MBL2: variants seen among roughly 807,000 people sequenced by gnomAD.
The protein encoded by MBL2 is mannose binding lectin 2, also known as mannose-binding protein C.
A neutral mutation model predicts 12.7 loss-of-function variants in MBL2; 6 were observed. The observed-to-expected ratio is 0.47, with a 90% CI of 0.26 to 0.94. MBL2 has a LOEUF of 0.94. Among genes scored for constraint, MBL2 ranks in the 40% least tolerant of loss-of-function variants. The pLI is 0.15. For missense variants in MBL2, 307 were observed against 295.2 expected, an observed-to-expected ratio of 1.04 and a Z score of -0.29; for synonymous variants, 114 against 112.0, an observed-to-expected ratio of 1.02 and a Z score of -0.11.
chr10:52,770,346 T>A (rs1026309926), intron 3 of MBL2, among the ~76,000 whole-genome samples: 1 of 152,250 alleles, frequency 6.6e-6, no homozygotes. Flanking sequence ...ATAGGTATAA[T>A]AAGCCCACAC....
In MBL2 at chr10:52,765,791, G is replaced by A. The variant is rs1333987075; in HGVS notation, c.*2346C>T. ...TTGGGGTTGCTAACCAGTGCAATAAGGTAAGAAAAAAGGTAAAGCAATTGG... is the reference window on the plus strand; with the variant it reads ...TTGGGGTTGCTAACCAGTGCAATAAAGTAAGAAAAAAGGTAAAGCAATTGG... On this transcript the variant is annotated 3_prime_UTR_variant, in exon 5 of 5. Coordinates refer to ENST00000674931, the MANE Select transcript of MBL2 (RefSeq NM_001378373.1). 6.6e-6 allele frequency: 1 copy of A among 151,886 alleles called. No individual in the cohort carries two copies. Among genetic ancestry groups the A allele is most frequent in the Non-Finnish European group, 1.5e-5 (1 of 67,962 alleles). The allele number at this position is 151,886 out of a possible 1,614,324, so 9.4% of individuals were successfully genotyped here. A position where few individuals can be genotyped will look rare whatever the true frequency, so the allele number is the denominator to read the frequency against.
rs1273169400 is a variant in MBL2 at position 52,771,492 on chromosome 10, GC to G, written c.143del (p.Gly48AlafsTer93). The G allele has an allele frequency of 6.2e-7, 1 of 1,613,762 alleles. No individual in the cohort carries two copies. Among genetic ancestry groups the G allele is most frequent in the East Asian group, 2.2e-5 (1 of 44,874 alleles). ...CCTTGGTGCCATCACGCCCATCTTT[GC>G]CTGGGAAGCCGTTGATGCCTGGAGA... ...CSSPGINGFP[G>X]KDGRDGTKGE... On this transcript the variant is annotated frameshift_variant, in exon 2 of 5. Coordinates refer to ENST00000674931, the MANE Select transcript of MBL2 (RefSeq NM_001378373.1). LOFTEE classifies it high-confidence loss of function.
Position 52,766,221 on chromosome 10 carries a change from GA to G in MBL2, c.*1915del, listed in dbSNP as rs1278969832. 2.0e-5 allele frequency: 3 copies of G among 152,128 alleles called. No individual in the cohort carries two copies. Among genetic ancestry groups the G allele is most frequent in the Non-Finnish European group, 4.4e-5 (3 of 68,028 alleles). 9.4% of individuals were successfully genotyped at this position (152,128 alleles called of 1,614,324 possible). A position where few individuals can be genotyped will look rare whatever the true frequency, so the allele number is the denominator to read the frequency against. ...CTCATCAGGATTTTGTAGAAATTGAGAAGCTGTTTCTAATATTTATATGGAA... is the reference window on the plus strand; with the variant it reads ...CTCATCAGGATTTTGTAGAAATTGAGAGCTGTTTCTAATATTTATATGGAA... On this transcript the variant is annotated 3_prime_UTR_variant, in exon 5 of 5. Coordinates refer to ENST00000674931, the MANE Select transcript of MBL2 (RefSeq NM_001378373.1).
chr10:52,767,969 C>A lies in MBL2; in HGVS notation c.*168G>T. ...CTACTACTGCTGCTGCTAACTACTA[C>A]TACTACTATTATTGCTTTGTTGGTG... On this transcript the variant is annotated 3_prime_UTR_variant, in exon 5 of 5. Coordinates refer to ENST00000674931, the MANE Select transcript of MBL2 (RefSeq NM_001378373.1). The A allele has an allele frequency of 1.5e-6, 1 of 676,192 alleles. No homozygotes were observed. The highest frequency in any genetic ancestry group is 2.4e-6 in the Non-Finnish European group (1 of 420,220). The allele number at this position is 676,192 out of a possible 1,614,324, so 41.9% of individuals were successfully genotyped here.
rs1429840709 is a variant in MBL2 at position 52,768,267 on chromosome 10, G to C, written c.617C>G (p.Thr206Arg). 6.2e-7 allele frequency: 1 copy of C among 1,613,868 alleles called. No homozygotes were observed. The highest frequency in any genetic ancestry group is 2.2e-5 in the East Asian group (1 of 44,880). ...VDLTGNRLTY[T>R]NWNEGEPNNA... ...GTTGGGTTCACCCTCGTTCCAGTTT[G>C]TGTAGGTCAGTCTATTTCCTGTCAG... The change falls in exon 5 of 5, where the codon ACA becomes AGA. Residue 206 changes from threonine (T) to arginine (R), a missense_variant. Thr to Arg is a moderately conservative substitution (Grantham distance 71). Coordinates refer to ENST00000674931, the MANE Select transcript of MBL2 (RefSeq NM_001378373.1).
In MBL2 at chr10:52,767,115, C is replaced by T. The variant is rs1006370985; in HGVS notation, c.*1022G>A. On this transcript the variant is annotated 3_prime_UTR_variant, in exon 5 of 5. Coordinates refer to ENST00000674931, the MANE Select transcript of MBL2 (RefSeq NM_001378373.1). ...AATATCTACTAAAGCTGAATACATGCTTTCCTCATCCTCTACCAGTTCCAC... is the reference window on the plus strand; with the variant it reads ...AATATCTACTAAAGCTGAATACATGTTTTCCTCATCCTCTACCAGTTCCAC... The T allele has an allele frequency of 6.6e-6, 1 of 152,012 alleles. No homozygotes were observed. Among genetic ancestry groups the T allele is most frequent in the Admixed American group, 6.5e-5 (1 of 15,268 alleles). 9.4% of individuals were successfully genotyped at this position (152,012 alleles called of 1,614,324 possible).
Position 52,770,725 on chromosome 10 carries a change from C to T in MBL2, c.249G>A (p.Gly83=), listed in dbSNP as rs757152192. The T allele has an allele frequency of 6.6e-7, 1 of 1,525,068 alleles. No homozygotes were observed. Among genetic ancestry groups the T allele is most frequent in the South Asian group, 1.3e-5 (1 of 78,862 alleles). The allele number at this position is 1,525,068 out of a possible 1,614,324, so 94.5% of individuals were successfully genotyped here. ...PGKLGPPGNP[G]PSGSPGPKGQ... ...CCTTTGGTCCTGGTGACCCAGAAGG[C>T]CCTGGATTTCCTGGAGGCCCCAACT... Residue 83 remains glycine (G), a synonymous_variant, in exon 3 of 5, where the codon GGG becomes GGA. Transcript: ENST00000674931.
chr10:52,771,057 C>T (rs1350070751), intron 2 of MBL2, among the ~76,000 whole-genome samples: 1 of 152,180 alleles, frequency 6.6e-6, no homozygotes, highest in African/African-American at 2.4e-5. Flanking sequence ...GTCCAGCCCA[C>T]TGCTGCTGGA....
At chr10:52,771,143 C>A (rs1227487496) in intron 2 of MBL2, among the ~76,000 whole-genome samples, 3 of 152,136 alleles carry the variant, frequency 2.0e-5, no homozygotes, top group African/African-American at 7.2e-5. Context: ...CCTCTTGAAC[C>A]TGGTGCCATC....
intron 1 of MBL2, 76 bp from the exon 2 acceptor site, chr10:52,771,720 C>CA: frequency 1.3e-6 from 2 of 1,504,072 alleles, no homozygotes; most frequent in African/African-American, 2.8e-5. Context: ...CTCTGTCCTA[C>CA]AATCTGGGTG....
chr10:52,772,139 C>T (rs7100749), intron 1 of MBL2, among the ~76,000 whole-genome samples: 3,274 of 152,246 alleles, frequency 0.022, 86 homozygotes, highest in East Asian at 0.06. Context: ...CATTGGCAGG[C>T]CCTGAGCTGA....
In MBL2 at chr10:52,771,588, T is replaced by C. The variant is rs754837131; in HGVS notation, c.48A>G (p.Ala16=). The part of the protein sequence containing the change: ...SLPLLLLSMV[A]ASYSETVTCE... Reference sequence around the variant, plus strand: ...AGGTCACAGTTTCTGAGTAAGACGCTGCCACCATACTCAGGAGAAGGAGAG... The same window carrying C: ...AGGTCACAGTTTCTGAGTAAGACGCCGCCACCATACTCAGGAGAAGGAGAG... Residue 16 remains alanine, a synonymous_variant, in exon 2 of 5, where the codon GCA becomes GCG. Transcript: ENST00000674931. 7.4e-6 allele frequency: 12 copies of C among 1,613,906 alleles called. 1 individual carries two copies. The Admixed American group carries it at 2.0e-4, about 27-fold the overall frequency.
intron 3 of MBL2, 53 bp from the exon 4 acceptor site, chr10:52,769,368 T>A (rs1840356447): frequency 1.8e-6 from 2 of 1,120,656 alleles, no homozygotes; most frequent in Admixed American, 1.9e-5. Flanking sequence ...GCCTCAGAAC[T>A]GTGCATATAC....
intron 4 of MBL2, 62 bp downstream of exon 4, chr10:52,769,185 A>G: frequency 8.8e-7 from 1 of 1,130,870 alleles, no homozygotes; most frequent in South Asian, 1.4e-5. Flanking sequence ...TTCAACAAAT[A>G]TTTGTTGCAT....
Position 52,768,146 on chromosome 10 carries a change from G to A in MBL2, c.738C>T (p.Phe246=), listed in dbSNP as rs376149426. The change falls in exon 5 of 5, where the codon TTC becomes TTT. Residue 246 remains phenylalanine, a synonymous_variant. Transcript: ENST00000674931. ...TGAGTGATATGACCCTTCAGATAGGGAACTCACAGACGGCCAGATGGGAGG... is the reference window on the plus strand; with the variant it reads ...TGAGTGATATGACCCTTCAGATAGGAAACTCACAGACGGCCAGATGGGAGG... ...CSTSHLAVCE[F]PI The A allele has an allele frequency of 8.1e-6, 13 of 1,602,562 alleles. No individual in the cohort carries two copies. Among genetic ancestry groups the A allele is most frequent in the South Asian group, 6.8e-5 (6 of 88,586 alleles).
At chr10:52,769,819 A>G (rs1207734316) in intron 3 of MBL2, among the ~76,000 whole-genome samples, 1 of 152,160 alleles carries the variant, frequency 6.6e-6, no homozygotes, top group Non-Finnish European at 1.5e-5. Flanking sequence ...TGAGTTGCCC[A>G]TTATCCAAGT....
rs183339988 is a variant in MBL2 at position 52,769,864 on chromosome 10, A to T, written c.305-549T>A. On this transcript the variant is annotated intron_variant, in intron 3 of 4. Coordinates refer to ENST00000674931, the MANE Select transcript of MBL2 (RefSeq NM_001378373.1). ...ATGAGCAAATCACTTGTTGTAGTAG[A>T]TGGCAAAAATGGCCTCAATAGGGTA... Among the ~76,000 whole-genome samples the T allele has an allele frequency of 3.3e-5, 5 of 152,272 alleles. No individual in the cohort carries two copies. In the East Asian group the frequency reaches 9.6e-4, roughly 29 times the overall value.
chr10:52,772,254 G>C (rs11003125), intron 1 of MBL2, among the ~76,000 whole-genome samples: 47,784 of 152,034 alleles, frequency 0.31, 8,586 homozygotes, highest in East Asian at 0.47. Flanking sequence ...TGGTGTTTTA[G>C]ACAGGCTTGC....
intron 2 of MBL2, 132 bp downstream of exon 2, chr10:52,771,317 G>T: frequency 2.0e-6 from 2 of 1,022,476 alleles, no homozygotes; most frequent in Non-Finnish European, 2.8e-6. Context: ...GAGAATGAGA[G>T]CTGAATCTCT....
Sources: gnomAD v4.1 joint callset for allele counts (sites outside exome capture counted in the v4.1 genomes callset) on GRCh38, gnomAD v4.1.1 for gene constraint, MANE v1.5 for transcripts, NCBI Gene and HGNC (gene_info 2026-07-23, HGNC 2026-07-21) for gene names.